Variants in CFAP54 observed in about 807,000 individuals in gnomAD.
CFAP54 encodes cilia and flagella associated protein 54, also known as cilia- and flagella-associated protein 54.
CFAP54 carries 290 observed loss-of-function variants against 370.4 expected under a neutral mutation model. That is an observed-to-expected ratio of 0.78 (90% confidence interval 0.71 to 0.86). CFAP54 has a LOEUF of 0.86. CFAP54 is among the 40% of genes least tolerant of loss of function. CFAP54 has a pLI of 0.00. For synonymous variants in CFAP54, 1,206 were observed against 1,236.5 expected, an observed-to-expected ratio of 0.98 and a Z score of 0.52; for missense variants, 3,399 against 3,528.7, an observed-to-expected ratio of 0.96 and a Z score of 0.93.
intron 50 of CFAP54, among the ~76,000 whole-genome samples, chr12:96,738,943 T>C (rs1291930901): frequency 6.6e-6 from 1 of 152,180 alleles, no homozygotes; most frequent in African/African-American, 2.4e-5. Context: ...AACAGTCATA[T>C]TGGATTACGA....
At position 96,623,814 on chromosome 12, in the gene CFAP54, A is replaced by C; in HGVS notation, c.3819A>C (p.Leu1273=). 1 of 1,535,730 alleles carries C rather than the reference A, an allele frequency of 6.5e-7. No homozygotes were observed. The highest frequency in any genetic ancestry group is 1.2e-5 in the South Asian group (1 of 84,040). The change falls in exon 28 of 68, where the codon CTA becomes CTC. Residue 1273 remains leucine, a synonymous_variant. Coordinates refer to ENST00000524981, the MANE Select transcript of CFAP54 (RefSeq NM_001306084.2). ...SLKTKKPQQI[L]LPEKINEQLA... ...AGACTAAGAAGCCACAGCAGATACTACTGCCTGAAAAGATAAATGAACAGC... is the reference window on the plus strand; with the variant it reads ...AGACTAAGAAGCCACAGCAGATACTCCTGCCTGAAAAGATAAATGAACAGC...
intron 5 of CFAP54, among the ~76,000 whole-genome samples, chr12:96,515,976 C>T (rs946849240): frequency 5.2e-5 from 7 of 135,892 alleles, no homozygotes; most frequent in East Asian, 2.1e-4. Context: ...AGTGCAGTGG[C>T]GCGGTCTTGG....
chr12:96,612,117 G>A (rs917979032), intron 26 of CFAP54, among the ~76,000 whole-genome samples: 1 of 152,156 alleles, frequency 6.6e-6, no homozygotes, highest in Non-Finnish European at 1.5e-5. Flanking sequence ...TGAAATGAAG[G>A]AAAAAATGTT....
At chr12:96,795,012 C>T (rs1043331927) in intron 63 of CFAP54, among the ~76,000 whole-genome samples, 1 of 152,144 alleles carries the variant, frequency 6.6e-6, no homozygotes, top group Non-Finnish European at 1.5e-5. Context: ...TATTTCTCTT[C>T]TGGGTCTAGG....
chr12:96,789,970 A>G (rs536448213), intron 62 of CFAP54, among the ~76,000 whole-genome samples: 71 of 152,010 alleles, frequency 4.7e-4, no homozygotes, highest in Admixed American at 4.3e-3. Context: ...TCAGGAGGCT[A>G]TTTCAATCAA....
chr12:96,552,017 C>T (rs1406952616), intron 15 of CFAP54, among the ~76,000 whole-genome samples: 2 of 151,966 alleles, frequency 1.3e-5, no homozygotes, highest in Admixed American at 6.5e-5. Flanking sequence ...GAGGCCAAGG[C>T]GGGTGGATCA....
intron 36 of CFAP54, among the ~76,000 whole-genome samples, chr12:96,653,944 A>G (rs1408968016): frequency 6.6e-6 from 1 of 152,168 alleles, no homozygotes; most frequent in African/African-American, 2.4e-5. Flanking sequence ...CAAATCCTAT[A>G]GATATTAAAA....
At chr12:96,786,275 G>T (rs549856759) in intron 61 of CFAP54, among the ~76,000 whole-genome samples, 2 of 151,574 alleles carry the variant, frequency 1.3e-5, no homozygotes, top group Non-Finnish European at 2.9e-5. Context: ...TCGCCTCCTG[G>T]GTTCAAGTGA....
intron 26 of CFAP54, among the ~76,000 whole-genome samples, chr12:96,602,842 A>G (rs146995285): frequency 4.4e-4 from 67 of 152,104 alleles, no homozygotes; most frequent in Non-Finnish European, 7.4e-4. Flanking sequence ...TTTTGGGACT[A>G]TGTGTGTCTT....
At chr12:96,802,778 T>C (rs1278418482) in intron 63 of CFAP54, among the ~76,000 whole-genome samples, 1 of 152,000 alleles carries the variant, frequency 6.6e-6, no homozygotes, top group African/African-American at 2.4e-5. Flanking sequence ...GTCATCTAGG[T>C]TTTAAGACCC....
chr12:96,652,281 T>C (rs1312027001), intron 36 of CFAP54, among the ~76,000 whole-genome samples: 1 of 152,196 alleles, frequency 6.6e-6, no homozygotes, highest in Admixed American at 6.5e-5. Context: ...TGAAGTAATA[T>C]AAATAGAATA....
At chr12:96,528,449 C>T (rs552400797) in intron 9 of CFAP54, among the ~76,000 whole-genome samples, 2 of 152,178 alleles carry the variant, frequency 1.3e-5, no homozygotes, top group African/African-American at 4.8e-5. Context: ...GTCATATTAG[C>T]CTCATAAAAT....
chr12:96,583,315 A>C (rs1386021056), intron 22 of CFAP54, among the ~76,000 whole-genome samples: 1 of 152,154 alleles, frequency 6.6e-6, no homozygotes, highest in East Asian at 1.9e-4. Flanking sequence ...AGATAATATC[A>C]TATAAATGTA....
In CFAP54 at chr12:96,756,473, A is replaced by G. The variant is rs1459162593; in HGVS notation, c.7856A>G (p.Gln2619Arg). Residue 2619 changes from glutamine to arginine, a missense_variant, in exon 57 of 68, where the codon CAA becomes CGA. Gln to Arg is a conservative substitution (Grantham distance 43). Transcript: ENST00000524981. ...ILFQKGKIER[Q>R]ILMEEKSPSF... is the part of the protein sequence containing the mutation. ...CTTCTTTCAGGCAAAATAGAACGTC[A>G]AATACTAATGGAAGAGAAATCTCCA... 6 of 1,596,660 alleles carry G rather than the reference A, an allele frequency of 3.8e-6. No homozygotes were observed. In the Admixed American group the frequency reaches 1.1e-4, roughly 29 times the overall value.
intron 9 of CFAP54, among the ~76,000 whole-genome samples, chr12:96,532,919 G>A (rs1287557921): frequency 1.3e-5 from 2 of 152,002 alleles, no homozygotes. Flanking sequence ...CTGTGACTGG[G>A]CCTCCGTGTT....
intron 63 of CFAP54, among the ~76,000 whole-genome samples, chr12:96,799,947 AGGTTGGTCTT>A (rs1242250642): frequency 6.6e-6 from 1 of 152,192 alleles, no homozygotes; most frequent in East Asian, 1.9e-4. Flanking sequence ...AAAATTTCTT[AGGTTGGTCTT>A]CAGCATACGT....
intron 60 of CFAP54, among the ~76,000 whole-genome samples, chr12:96,781,287 A>G (rs1199374296): frequency 6.6e-6 from 1 of 152,166 alleles, no homozygotes; most frequent in Non-Finnish European, 1.5e-5. Context: ...CTAGGGAAAA[A>G]TATTCTTTAC....
At chr12:96,549,961 G>A (rs1955678131) in intron 15 of CFAP54, among the ~76,000 whole-genome samples, 1 of 152,172 alleles carries the variant, frequency 6.6e-6, no homozygotes. Flanking sequence ...ATATATGCAT[G>A]CTACTATTTA....
At chr12:96,808,759 T>C (rs1958905324) in intron 63 of CFAP54, among the ~76,000 whole-genome samples, 1 of 152,142 alleles carries the variant, frequency 6.6e-6, no homozygotes, top group Admixed American at 6.6e-5. Flanking sequence ...CCAGATGTTA[T>C]AGGCTGCTCC....
Sources: gnomAD v4.1 joint callset for allele counts (sites outside exome capture counted in the v4.1 genomes callset) on GRCh38, gnomAD v4.1.1 for gene constraint, MANE v1.5 for transcripts, NCBI Gene and HGNC (gene_info 2026-07-23, HGNC 2026-07-21) for gene names.